GDF3: variants seen among roughly 807,000 people sequenced by gnomAD.
The protein encoded by GDF3 is growth/differentiation factor 3.
GDF3 carries 10 observed loss-of-function variants against 10.2 expected under a neutral mutation model. The ratio of observed to expected loss-of-function variants is 0.98; its 90% CI spans 0.60 to 1.66. The LOEUF is 1.66. Among genes scored for constraint, GDF3 ranks in the 40% most tolerant of loss-of-function variants. GDF3 has a pLI of 0.00. For synonymous variants in GDF3, 166 were observed against 178.5 expected (o/e 0.93, Z 0.56); for missense variants, 450 against 438.3 (o/e 1.03, Z -0.24).
At chr12:7,693,431 A>C (rs1397621466) in intron 1 of GDF3, among the ~76,000 whole-genome samples, 1 of 91,626 alleles carries the variant, frequency 1.1e-5, no homozygotes, top group African/African-American at 4.4e-5. Context: ...GAGTGGGGGG[A>C]GGGCCTTACC....
Position 7,693,457 on chromosome 12 carries a change from G to T in GDF3, c.268+2004C>A, listed in dbSNP as rs1427137797. ...GGGCCTTACCATGTTGGCTAGGCTGGTCTCGAACTCCTGGCCTCGTGATCT... is the reference window on the plus strand; with the variant it reads ...GGGCCTTACCATGTTGGCTAGGCTGTTCTCGAACTCCTGGCCTCGTGATCT... On this transcript the variant is annotated intron_variant, in intron 1 of 1. Coordinates refer to ENST00000329913, the MANE Select transcript of GDF3 (RefSeq NM_020634.3). 2.7e-5 allele frequency among the ~76,000 whole-genome samples: 4 copies of T among 149,314 alleles called. No individual in the cohort carries two copies. The East Asian group carries it at 6.1e-4, about 23-fold the overall frequency.
chr12:7,692,286 C>T (rs137899347), intron 1 of GDF3, among the ~76,000 whole-genome samples: 3,922 of 151,766 alleles, frequency 0.026, 66 homozygotes, highest in East Asian at 0.084. Context: ...AAAAATTAGC[C>T]GGGCAGGGTG....
intron 1 of GDF3, among the ~76,000 whole-genome samples, chr12:7,694,060 G>T (rs1029157410): frequency 6.6e-6 from 1 of 152,166 alleles, no homozygotes; most frequent in African/African-American, 2.4e-5. Context: ...GATACAGCAC[G>T]TGTGAGGATG....
intron 1 of GDF3, among the ~76,000 whole-genome samples, chr12:7,691,611 G>A (rs1166636617): frequency 1.3e-5 from 2 of 151,720 alleles, no homozygotes; most frequent in Admixed American, 6.6e-5. Flanking sequence ...CTAACACTAT[G>A]CCGAAATTTA....
At chr12:7,690,995 C>A (rs1864124149) in intron 1 of GDF3, among the ~76,000 whole-genome samples, 1 of 151,854 alleles carries the variant, frequency 6.6e-6, no homozygotes, top group Admixed American at 6.6e-5. Context: ...ACTAAAAATA[C>A]AAAAATTAGC....
At chr12:7,691,478 G>C (rs1864129490) in intron 1 of GDF3, among the ~76,000 whole-genome samples, 1 of 151,268 alleles carries the variant, frequency 6.6e-6, no homozygotes, top group Non-Finnish European at 1.5e-5. Context: ...AGGCTGAGAT[G>C]GGAGATTTGC....
At position 7,689,882 on chromosome 12, in the gene GDF3, C is replaced by G. The variant is rs758777639; in HGVS notation, c.1091G>C (p.Gly364Ala). The G allele has an allele frequency of 7.5e-6, 12 of 1,597,024 alleles. No individual in the cohort carries two copies. The highest frequency in any genetic ancestry group is 9.4e-6 in the Non-Finnish European group (11 of 1,164,472). Residue 364 changes from glycine to alanine, a missense_variant, in exon 2 of 2, where the codon GGG (glycine) becomes GCG (alanine). Physicochemically the swap from Gly to Ala is moderately conservative, Grantham distance 60. Transcript: ENST00000329913. ...EDMVVDECGC[G>A] Reference sequence around the variant, plus strand: ...TCTATTCCCATTTCTGACATCCTACCCACACCCACATTCATCGACTACCAT... The same window carrying G: ...TCTATTCCCATTTCTGACATCCTACGCACACCCACATTCATCGACTACCAT...
At position 7,694,194 on chromosome 12, in the gene GDF3, TGGG is replaced by T. The variant is rs1864159142; in HGVS notation, c.268+1264_268+1266del. 2.0e-5 allele frequency among the ~76,000 whole-genome samples: 3 copies of T among 152,006 alleles called. No individual in the cohort carries two copies. In the South Asian group the frequency reaches 6.2e-4, roughly 32 times the overall value. On this transcript the variant is annotated intron_variant, in intron 1 of 1. Coordinates refer to ENST00000329913, the MANE Select transcript of GDF3 (RefSeq NM_020634.3). ...CAGGGTCAGAACAGGCAGGGCATGG[TGGG>T]TCAACTCTTGCAGAATTTTGCAGAC...
At chr12:7,692,611 G>A (rs1864144901) in intron 1 of GDF3, among the ~76,000 whole-genome samples, 1 of 151,230 alleles carries the variant, frequency 6.6e-6, no homozygotes, top group South Asian at 2.1e-4. Context: ...TCGGGTTCAA[G>A]CAATTCTCCT....
Position 7,692,055 on chromosome 12 carries a change from A to T in GDF3, c.269-1351T>A, listed in dbSNP as rs963838613. Among the ~76,000 whole-genome samples, 38 of 152,266 alleles carry T rather than the reference A, an allele frequency of 2.5e-4. 1 individual carries two copies. The highest frequency in any genetic ancestry group is 6.8e-3 in the Middle Eastern group (2 of 294). The stretch of plus-strand genomic sequence containing the variant: ...ATAAAAAAAGTTTTAAAAAAATTTT[A>T]AAATGTATTTCAATATTTAATTGGT... On this transcript the variant is annotated intron_variant, in intron 1 of 1. Coordinates refer to ENST00000329913, the MANE Select transcript of GDF3 (RefSeq NM_020634.3).
intron 1 of GDF3, among the ~76,000 whole-genome samples, chr12:7,694,942 T>A (rs1283452621): frequency 6.6e-6 from 1 of 152,166 alleles, no homozygotes; most frequent in Non-Finnish European, 1.5e-5. Context: ...GACAGTTGTA[T>A]ATATTATTGC....
At chr12:7,694,749 G>T (rs763591348) in intron 1 of GDF3, among the ~76,000 whole-genome samples, 1 of 152,026 alleles carries the variant, frequency 6.6e-6, no homozygotes, top group Admixed American at 6.6e-5. Flanking sequence ...CACCCGGGAG[G>T]TTGTATAGAC....
chr12:7,692,229 A>G (rs1864138985), intron 1 of GDF3, among the ~76,000 whole-genome samples: 1 of 151,684 alleles, frequency 6.6e-6, no homozygotes, highest in African/African-American at 2.4e-5. Flanking sequence ...AGGTCAGGAG[A>G]CCAGACTGAC....
At position 7,690,681 on chromosome 12, in the gene GDF3, T is replaced by C. The variant is rs1225515360; in HGVS notation, c.292A>G (p.Ile98Val). Residue 98 changes from isoleucine to valine, a missense_variant, in exon 2 of 2, where the codon ATT (isoleucine) becomes GTT (valine). By Grantham distance (29) the Ile-to-Val change is conservative. Transcript: ENST00000329913. ...TGCAGGCAGGAGGAAGCTTGGGAAATTTTCTTTGGGTAAAGAAAGAAACCT... is the reference window on the plus strand; with the variant it reads ...TGCAGGCAGGAGGAAGCTTGGGAAACTTTCTTTGGGTAAAGAAAGAAACCT... ...DQGFFLYPKK[I>V]SQASSCLQKL... The C allele has an allele frequency of 1.2e-6, 2 of 1,611,856 alleles. No homozygotes were observed. Among genetic ancestry groups the C allele is most frequent in the Non-Finnish European group, 1.7e-6 (2 of 1,178,258 alleles).
Position 7,690,520 on chromosome 12 carries a change from C to A in GDF3, c.453G>T (p.Gln151His). The A allele has an allele frequency of 6.2e-7, 1 of 1,612,456 alleles. No individual in the cohort carries two copies. The highest frequency in any genetic ancestry group is 8.5e-7 in the Non-Finnish European group (1 of 1,178,758). The change falls in exon 2 of 2, where the codon CAG becomes CAT. Residue 151 changes from glutamine (Q) to histidine (H), a missense_variant. Gln to His is a conservative substitution (Grantham distance 24, BLOSUM62 0). Coordinates refer to ENST00000329913, the MANE Select transcript of GDF3 (RefSeq NM_020634.3). The part of the protein sequence containing the change: ...PELELALFLV[Q>H]EPHVWGQTTP... ...TGGTCTGGCCCCACACATGAGGCTC[C>A]TGAACCAGGAACAGAGCCAGTTCCA...
rs1864107527 is a variant in GDF3, at chr12:7,689,954, A to G, written c.1019T>C (p.Leu340Pro). 6.2e-7 allele frequency: 1 copy of G among 1,613,844 alleles called. No individual in the cohort carries two copies. The highest frequency in any genetic ancestry group is 8.5e-7 in the Non-Finnish European group (1 of 1,179,894). Reference sequence around the variant, plus strand: ...GACATTGTCATTATTGTCCTGGTAGAGCATGGAAATGGGAGACAGCTTGGT... The same window carrying G: ...GACATTGTCATTATTGTCCTGGTAGGGCATGGAAATGGGAGACAGCTTGGT... ...IPTKLSPISMLYQDNNDNVIL... is the reference protein window; with the variant it reads ...IPTKLSPISMPYQDNNDNVIL... Residue 340 changes from leucine to proline, a missense_variant, in exon 2 of 2, where the codon CTC becomes CCC. By Grantham distance (98) the Leu-to-Pro change is moderately conservative. Transcript: ENST00000329913.
rs376010944 is a variant in GDF3 at position 7,695,493 on chromosome 12, C to T, written c.236G>A (p.Arg79His). The change falls in exon 1 of 2, where the codon CGC becomes CAC. Residue 79 changes from arginine (R) to histidine (H), a missense_variant. By Grantham distance (29) the Arg-to-His change is conservative. Transcript: ENST00000329913. ...DLCYVKELGV[R>H]GNVLRFLPDQ... ...TGGGAGAAAGCGAAGTACATTCCCGCGGACGCCCAGCTCCTTTACGTAGCA... is the reference window on the plus strand; with the variant it reads ...TGGGAGAAAGCGAAGTACATTCCCGTGGACGCCCAGCTCCTTTACGTAGCA... 4.3e-6 allele frequency: 7 copies of T among 1,614,102 alleles called. No homozygotes were observed. The highest frequency in any genetic ancestry group is 1.1e-5 in the South Asian group (1 of 91,072).
intron 1 of GDF3, among the ~76,000 whole-genome samples, chr12:7,695,225 G>C (rs1338901852): frequency 6.6e-6 from 1 of 152,178 alleles, no homozygotes; most frequent in Non-Finnish European, 1.5e-5. Flanking sequence ...TCACACACTA[G>C]CTGTATGATC....
intron 1 of GDF3, among the ~76,000 whole-genome samples, chr12:7,692,969 G>A (rs1421423587): frequency 6.6e-6 from 1 of 151,836 alleles, no homozygotes; most frequent in Admixed American, 6.6e-5. Context: ...GTGATTCTTC[G>A]ATTTTTGTCC....
Sources: gnomAD v4.1 joint callset for allele counts (sites outside exome capture counted in the v4.1 genomes callset) on GRCh38, gnomAD v4.1.1 for gene constraint, MANE v1.5 for transcripts, NCBI Gene and HGNC (gene_info 2026-07-23, HGNC 2026-07-21) for gene names.